GANC: variants seen among roughly 807,000 people sequenced by gnomAD.
GANC encodes glucosidase alpha, neutral C.
In GANC, 117 loss-of-function variants were observed where a neutral mutation model predicts 124.2. The observed-to-expected ratio is 0.94, with a 90% CI of 0.81 to 1.10. The LOEUF is 1.10. Among genes scored for constraint, GANC ranks in the 50% least tolerant of loss-of-function variants. The pLI, the probability that GANC is intolerant of heterozygous loss-of-function variation, is 0.00. For missense variants in GANC, 1,140 were observed against 1,095.0 expected, an observed-to-expected ratio of 1.04 and a Z score of -0.58; for synonymous variants, 377 against 376.8, an observed-to-expected ratio of 1.00 and a Z score of -0.01.
At chr15:42,310,988 C>T in intron 10 of GANC, 142 bp downstream of exon 10, 1 of 888,068 alleles carries the variant, frequency 1.1e-6, no homozygotes, top group East Asian at 2.6e-5. Flanking sequence ...CATTTCTGTT[C>T]CCATCCTCAT....
At chr15:42,296,955 T>C (rs1595767771) in intron 5 of GANC, among the ~76,000 whole-genome samples, 1 of 152,032 alleles carries the variant, frequency 6.6e-6, no homozygotes, top group African/African-American at 2.4e-5. Context: ...TGAAATGCAT[T>C]TATTTTTTCT....
intron 15 of GANC, among the ~76,000 whole-genome samples, chr15:42,337,294 C>T (rs1217636745): frequency 1.3e-5 from 2 of 152,312 alleles, no homozygotes; most frequent in Non-Finnish European, 1.5e-5. Flanking sequence ...CCATGGAATA[C>T]TATGCAGCCA....
At chr15:42,277,478 C>A (rs960643560) in intron 2 of GANC, among the ~76,000 whole-genome samples, 2 of 150,818 alleles carry the variant, frequency 1.3e-5, no homozygotes, top group African/African-American at 4.9e-5. Context: ...TGTGGTGAGC[C>A]GAGATTGTGC....
rs3736094 is a variant in GANC at position 42,326,635 on chromosome 15, A to G, written c.1420+211A>G. On this transcript the variant is annotated intron_variant, in intron 12 of 23. Coordinates refer to ENST00000318010, the MANE Select transcript of GANC (RefSeq NM_198141.3). ...CTTTGTATGTATTTATCAATCAATA[A>G]TTGAATGAATGAAAAATAAACAAGC... Among the ~76,000 whole-genome samples, 99 of 152,298 alleles carry G rather than the reference A, an allele frequency of 6.5e-4. No homozygotes were observed. The East Asian group carries it at 0.017, about 25-fold the overall frequency.
intron 6 of GANC, among the ~76,000 whole-genome samples, chr15:42,298,609 A>G (rs1423012654): frequency 6.6e-6 from 1 of 152,162 alleles, no homozygotes. Flanking sequence ...AAGAATGGAC[A>G]CTCCAGAAAT....
At chr15:42,333,038 A>ATTTT (rs397835836) in intron 15 of GANC, among the ~76,000 whole-genome samples, 45 of 146,920 alleles carry the variant, frequency 3.1e-4, no homozygotes, top group South Asian at 6.5e-4. Flanking sequence ...ATATATATAT[A>ATTTT]TTTTTTTTGG....
intron 3 of GANC, among the ~76,000 whole-genome samples, chr15:42,286,069 T>C (rs2051784688): frequency 6.6e-6 from 1 of 151,938 alleles, no homozygotes; most frequent in South Asian, 2.1e-4. Context: ...TCTGAGTGAA[T>C]AACTAAATGT....
At chr15:42,351,237 G>C in intron 22 of GANC, 92 bp from the exon 23 acceptor site, 2 of 828,728 alleles carry the variant, frequency 2.4e-6, no homozygotes, top group Non-Finnish European at 4.1e-6. Flanking sequence ...AGGGACAGAT[G>C]GGAGAGGAAC....
chr15:42,307,484 C>G (rs769775069), intron 7 of GANC, among the ~76,000 whole-genome samples: 1 of 152,132 alleles, frequency 6.6e-6, no homozygotes, highest in Non-Finnish European at 1.5e-5. Flanking sequence ...CAGGCATGAG[C>G]CACCATACCC....
chr15:42,278,371 A>T, intron 2 of GANC, 111 bp from the exon 3 acceptor site: 2 of 690,108 alleles, frequency 2.9e-6, no homozygotes, highest in Non-Finnish European at 4.9e-6. Flanking sequence ...TGTGCCCTGA[A>T]ATTCACTGAA....
chr15:42,274,089 T>C lies in GANC; in HGVS notation c.-393T>C. The C allele has an allele frequency of 3.9e-6, 1 of 255,590 alleles. No individual in the cohort carries two copies. The highest frequency in any genetic ancestry group is 1.5e-4 in the East Asian group (1 of 6,498). The allele number at this position is 255,590 out of a possible 1,614,324, so 15.8% of individuals were successfully genotyped here. A position where few individuals can be genotyped will look rare whatever the true frequency, so the allele number is the denominator to read the frequency against. ...GGCGTGACCCCGCCACTGAGATAGA[T>C]CTGCAGATGCTTCGTCCCAGTCAGG... On this transcript the variant is annotated 5_prime_UTR_variant, in exon 1 of 24. Coordinates refer to ENST00000318010, the MANE Select transcript of GANC (RefSeq NM_198141.3).
chr15:42,293,042 C>T (rs1412720487), intron 5 of GANC, 125 bp downstream of exon 5: 2 of 872,482 alleles, frequency 2.3e-6, no homozygotes, highest in South Asian at 1.9e-5. Context: ...TAGTATTGTT[C>T]TGAGAAATTT....
At chr15:42,314,131 G>A (rs1355816900) in intron 10 of GANC, 1 of 755,732 alleles carries the variant, frequency 1.3e-6, no homozygotes, top group East Asian at 2.5e-5. Context: ...GAAAAGGAAA[G>A]AAGTTGAAAG....
At chr15:42,333,980 C>T (rs1056572293) in intron 15 of GANC, among the ~76,000 whole-genome samples, 2 of 152,006 alleles carry the variant, frequency 1.3e-5, no homozygotes, top group African/African-American at 4.8e-5. Flanking sequence ...GTTTCCAAGG[C>T]AATTTAATGG....
At chr15:42,278,033 G>A in intron 2 of GANC, 1 of 394,298 alleles carries the variant, frequency 2.5e-6, no homozygotes, top group South Asian at 1.8e-5. Flanking sequence ...AGGAAGAAAA[G>A]CGTATTATGT....
chr15:42,309,096 A>G (rs967625336), intron 8 of GANC, among the ~76,000 whole-genome samples: 1 of 152,166 alleles, frequency 6.6e-6, no homozygotes, highest in Non-Finnish European at 1.5e-5. Context: ...GGCTAACACT[A>G]TTGACAAATA....
At position 42,329,400 on chromosome 15, in the gene GANC, A is replaced by G. The variant is rs574481114; in HGVS notation, c.1595A>G (p.His532Arg). 7 of 1,613,942 alleles carry G rather than the reference A, an allele frequency of 4.3e-6. No individual in the cohort carries two copies. Among genetic ancestry groups the G allele is most frequent in the Non-Finnish European group, 5.9e-6 (7 of 1,179,910 alleles). ...ACCATGCAGAAGAATGCCATTCATC[A>G]TGGCAATTGGGAGCACAGAGAGCTC... is the stretch of plus-strand genomic sequence containing the variant. ...EQTMQKNAIHHGNWEHRELHN... is the reference protein window; with the variant it reads ...EQTMQKNAIHRGNWEHRELHN... The change falls in exon 14 of 24, where the codon CAT becomes CGT. Residue 532 changes from histidine (H) to arginine (R), a missense_variant. His to Arg is a conservative substitution (Grantham distance 29). Coordinates refer to ENST00000318010, the MANE Select transcript of GANC (RefSeq NM_198141.3).
At position 42,292,562 on chromosome 15, in the gene GANC, A is replaced by G. The variant is rs531700884; in HGVS notation, c.330-173A>G. Among the ~76,000 whole-genome samples the G allele has an allele frequency of 2.6e-5, 4 of 152,358 alleles. No homozygotes were observed. The South Asian group carries it at 6.2e-4, about 24-fold the overall frequency. ...AACGTATATGATAGAGTTATGCTCA[A>G]TTTAAGCTCTTTGGCATCAAAGCCA... is the stretch of plus-strand genomic sequence containing the variant. On this transcript the variant is annotated intron_variant, in intron 4 of 23. Coordinates refer to ENST00000318010, the MANE Select transcript of GANC (RefSeq NM_198141.3).
At chr15:42,344,434 T>G (rs2052348560) in intron 19 of GANC, among the ~76,000 whole-genome samples, 1 of 152,204 alleles carries the variant, frequency 6.6e-6, no homozygotes, top group Non-Finnish European at 1.5e-5. Context: ...TAAGGACACT[T>G]GTGGTCACAT....
Sources: allele counts gnomAD v4.1 joint callset (sites outside exome capture counted in the v4.1 genomes callset), GRCh38; gene constraint gnomAD v4.1.1; transcripts MANE v1.5; gene names NCBI Gene and HGNC (gene_info 2026-07-23, HGNC 2026-07-21).